PPM1L: variants seen among roughly 807,000 people sequenced by gnomAD.
The protein encoded by PPM1L is protein phosphatase, Mg2+/Mn2+ dependent 1L, also known as protein phosphatase 1L.
PPM1L carries 13 observed loss-of-function variants against 31.4 expected under a neutral mutation model. The ratio of observed to expected loss-of-function variants is 0.41; its 90% CI spans 0.27 to 0.66. The LOEUF (loss-of-function observed/expected upper bound fraction) is 0.66. Ranked by LOEUF, PPM1L falls within the 30% of genes least tolerant of loss-of-function variation. PPM1L has a pLI of 0.29. For synonymous variants in PPM1L, 184 were observed against 175.4 expected (o/e 1.05, Z -0.39); for missense variants, 326 against 453.7 (o/e 0.72, Z 2.56).
chr3:160,825,848 G>A (rs1353242048), intron 1 of PPM1L, among the ~76,000 whole-genome samples: 3 of 152,076 alleles, frequency 2.0e-5, no homozygotes, highest in African/African-American at 7.2e-5. Context: ...CTCATATCTA[G>A]TAACTGATAT....
At chr3:160,771,042 T>A (rs376176621) in intron 1 of PPM1L, among the ~76,000 whole-genome samples, 22 of 152,302 alleles carry the variant, frequency 1.4e-4, no homozygotes, top group East Asian at 1.4e-3. Flanking sequence ...TAGAGTAATA[T>A]GTAATTATAA....
chr3:160,852,020 T>C (rs1009515462), intron 1 of PPM1L, among the ~76,000 whole-genome samples: 1 of 152,196 alleles, frequency 6.6e-6, no homozygotes, highest in African/African-American at 2.4e-5. Context: ...TACATAATCA[T>C]TTTCTGAACC....
chr3:160,894,252 C>G (rs1023688193), intron 1 of PPM1L, among the ~76,000 whole-genome samples: 3 of 152,042 alleles, frequency 2.0e-5, no homozygotes, highest in African/African-American at 7.2e-5. Context: ...AGATTTAGAC[C>G]ATTGGTTTCT....
At chr3:160,902,169 C>T (rs1008558175) in intron 1 of PPM1L, among the ~76,000 whole-genome samples, 6 of 151,890 alleles carry the variant, frequency 4.0e-5, no homozygotes, top group African/African-American at 1.2e-4. Flanking sequence ...TGTGTGTGTA[C>T]GTATGTTTTA....
intron 1 of PPM1L, among the ~76,000 whole-genome samples, chr3:160,777,497 A>G (rs1275093217): frequency 1.3e-5 from 2 of 152,164 alleles, no homozygotes; most frequent in Non-Finnish European, 2.9e-5. Context: ...CTGCAACTCT[A>G]TACCTATTAA....
At chr3:160,779,037 C>G (rs1711655619) in intron 1 of PPM1L, among the ~76,000 whole-genome samples, 1 of 150,508 alleles carries the variant, frequency 6.6e-6, no homozygotes, top group Non-Finnish European at 1.5e-5. Flanking sequence ...TTTGTTTTCC[C>G]TGGTTTTATT....
chr3:160,962,919 G>T (rs1716013396), intron 2 of PPM1L, among the ~76,000 whole-genome samples: 1 of 151,008 alleles, frequency 6.6e-6, no homozygotes, highest in Non-Finnish European at 1.5e-5. Context: ...TCTCAAGCAG[G>T]ATCTGTATTT....
chr3:160,832,446 G>A (rs369390808), intron 1 of PPM1L, among the ~76,000 whole-genome samples: 2 of 152,152 alleles, frequency 1.3e-5, no homozygotes, highest in African/African-American at 4.8e-5. Flanking sequence ...ATCTACTGTG[G>A]CTGGATTTTA....
At chr3:161,044,251 A>T (rs1177971386) in intron 2 of PPM1L, among the ~76,000 whole-genome samples, 1 of 151,830 alleles carries the variant, frequency 6.6e-6, no homozygotes, top group Admixed American at 6.6e-5. Flanking sequence ...TGTTGGCCAG[A>T]CTGGTCTTGA....
At chr3:160,927,180 A>G (rs1204503590) in intron 1 of PPM1L, among the ~76,000 whole-genome samples, 3 of 152,220 alleles carry the variant, frequency 2.0e-5, no homozygotes, top group Admixed American at 1.3e-4. Flanking sequence ...CCTAACCTGT[A>G]TTACTTTAAT....
chr3:161,001,288 G>T (rs989570103), intron 2 of PPM1L, among the ~76,000 whole-genome samples: 12 of 146,560 alleles, frequency 8.2e-5, no homozygotes, highest in African/African-American at 3.0e-4. Context: ...ATAGTTTTTT[G>T]TTTTTTGTTC....
chr3:160,862,447 C>T (rs985930929), intron 1 of PPM1L, among the ~76,000 whole-genome samples: 20 of 151,948 alleles, frequency 1.3e-4, no homozygotes, highest in African/African-American at 4.8e-4. Context: ...CTAGCACAAG[C>T]GACTATTAGG....
intron 1 of PPM1L, among the ~76,000 whole-genome samples, chr3:160,763,975 T>C (rs1324456252): frequency 6.6e-6 from 1 of 152,190 alleles, no homozygotes; most frequent in Non-Finnish European, 1.5e-5. Flanking sequence ...CAAATATATT[T>C]TAAAGTAAAC....
intron 1 of PPM1L, among the ~76,000 whole-genome samples, chr3:160,916,782 G>A (rs1714199091): frequency 6.6e-6 from 1 of 151,922 alleles, no homozygotes; most frequent in Admixed American, 6.6e-5. Flanking sequence ...GTATCAGAAA[G>A]GCATTTGGGT....
intron 1 of PPM1L, among the ~76,000 whole-genome samples, chr3:160,920,676 A>T (rs1180309522): frequency 6.8e-6 from 1 of 147,190 alleles, no homozygotes; most frequent in Non-Finnish European, 1.5e-5. Flanking sequence ...CATATTAAAG[A>T]TCTGAGAGTA....
intron 2 of PPM1L, among the ~76,000 whole-genome samples, chr3:161,033,835 G>A (rs1296939194): frequency 6.6e-6 from 1 of 152,142 alleles, no homozygotes; most frequent in East Asian, 1.9e-4. Flanking sequence ...AGCCCAAACT[G>A]ACAAATAAGA....
chr3:160,771,605 A>G (rs536307952), intron 1 of PPM1L, among the ~76,000 whole-genome samples: 215 of 127,220 alleles, frequency 1.7e-3, no homozygotes, highest in Admixed American at 4.5e-3. Flanking sequence ...GTGTGTGATC[A>G]GTTGGAGGAA....
chr3:161,011,392 C>T (rs956502642), intron 2 of PPM1L, among the ~76,000 whole-genome samples: 2 of 152,122 alleles, frequency 1.3e-5, no homozygotes, highest in Non-Finnish European at 1.5e-5. Flanking sequence ...CTTTTGGTAC[C>T]AATACCAGGC....
intron 1 of PPM1L, among the ~76,000 whole-genome samples, chr3:160,928,901 C>T (rs189051622): frequency 5.3e-5 from 8 of 152,058 alleles, no homozygotes; most frequent in African/African-American, 1.4e-4. Context: ...CTCACTCTGT[C>T]GTATATTGTT....
Sources: gnomAD v4.1 joint callset for allele counts (sites outside exome capture counted in the v4.1 genomes callset) on GRCh38, gnomAD v4.1.1 for gene constraint, MANE v1.5 for transcripts, NCBI Gene and HGNC (gene_info 2026-07-23, HGNC 2026-07-21) for gene names.